Variants in SLC5A11 observed in about 807,000 individuals in gnomAD.
SLC5A11 encodes the protein sodium/myo-inositol cotransporter 2.
SLC5A11 carries 48 observed loss-of-function variants against 69.8 expected under a neutral mutation model. The observed-to-expected ratio is 0.69, with a 90% CI of 0.55 to 0.87. SLC5A11 has a LOEUF of 0.87. SLC5A11 is among the 40% of genes least tolerant of loss of function. The pLI is 0.00. For synonymous variants in SLC5A11, 319 were observed against 342.4 expected (o/e 0.93, Z 0.75); for missense variants, 784 against 866.1 (o/e 0.91, Z 1.19).
intron 3 of SLC5A11, among the ~76,000 whole-genome samples, chr16:24,868,093 C>T (rs1285887019): frequency 1.3e-5 from 2 of 149,660 alleles, no homozygotes; most frequent in East Asian, 3.9e-4. Context: ...GCTGAGATGG[C>T]ACCATTGCAT....
At chr16:24,869,953 T>C in exon 4 of SLC5A11, 1 of 1,614,196 alleles carries the variant, frequency 6.2e-7, no homozygotes, top group Non-Finnish European at 8.5e-7. Context: ...TTCATTGGCC[T>C]GGCAGGGTCA....
At chr16:24,900,941 G>GA in intron 10 of SLC5A11, among the ~76,000 whole-genome samples, 1 of 146,968 alleles carries the variant, frequency 6.8e-6, no homozygotes, top group African/African-American at 2.5e-5. Context: ...AAAAAAAAAG[G>GA]AAAGAATATG....
intron 2 of SLC5A11, chr16:24,862,033 C>G (rs2046602958): frequency 1.3e-5 from 2 of 152,248 alleles, no homozygotes; most frequent in African/African-American, 4.8e-5. Context: ...AGACACCAAA[C>G]CTCTCGGTGC....
chr16:24,850,913 C>T (rs2059273791), intron 1 of SLC5A11, among the ~76,000 whole-genome samples: 2 of 151,642 alleles, frequency 1.3e-5, no homozygotes, highest in South Asian at 2.1e-4. Flanking sequence ...CAGGTTCAAG[C>T]GATTCTTCTG....
chr16:24,857,016 C>T (rs1489515908), intron 1 of SLC5A11, among the ~76,000 whole-genome samples: 1 of 152,080 alleles, frequency 6.6e-6, no homozygotes, highest in Non-Finnish European at 1.5e-5. Context: ...AGACGGGGTC[C>T]ACCACGTTGC....
At chr16:24,882,681 T>C (rs6497762) in intron 7 of SLC5A11, among the ~76,000 whole-genome samples, 68,758 of 152,074 alleles carry the variant, frequency 0.45, 16,518 homozygotes, top group African/African-American at 0.62. Context: ...AGTCTCGCTC[T>C]GTTGCCCAGG....
chr16:24,877,154 T>A, intron 6 of SLC5A11, 104 bp from the exon 8 acceptor site: 1 of 1,543,266 alleles, frequency 6.5e-7, no homozygotes, highest in South Asian at 1.3e-5. Flanking sequence ...TCTGTGTTTG[T>A]CAGCATCTAG....
intron 1 of SLC5A11, among the ~76,000 whole-genome samples, chr16:24,851,761 G>A (rs1051717215): frequency 1.3e-5 from 2 of 152,154 alleles, no homozygotes; most frequent in African/African-American, 4.8e-5. Flanking sequence ...TCGTAGATGG[G>A]AAATTGAGCC....
chr16:24,910,499 T>C, intron 15 of SLC5A11, 22 bp downstream of exon 16: 4 of 1,611,886 alleles, frequency 2.5e-6, no homozygotes, highest in Non-Finnish European at 3.4e-6. Context: ...CTCTCCTCAG[T>C]TACAGCAAGA....
At chr16:24,897,996 C>T in exon 10 of SLC5A11, 2 of 1,614,132 alleles carry the variant, frequency 1.2e-6, no homozygotes, top group South Asian at 2.2e-5. Flanking sequence ...CGGACTCTGG[C>T]TGCCAAGAAC....
chr16:24,858,501 C>T lies in SLC5A11; in HGVS notation c.-24-119C>T. 7 of 758,338 alleles carry T rather than the reference C, an allele frequency of 9.2e-6. No homozygotes were observed. In the South Asian group the frequency reaches 1.7e-4, roughly 19 times the overall value. The allele number at this position is 758,338 out of a possible 1,614,324, so 47.0% of individuals were successfully genotyped here. Reference sequence around the variant, plus strand: ...TCTGTCTTCCCTGAAGATCTGTCTTCCACCACACATCCCTCCACATGGGTC... The same window carrying T: ...TCTGTCTTCCCTGAAGATCTGTCTTTCACCACACATCCCTCCACATGGGTC... On this transcript the variant is annotated intron_variant, in intron 1 of 15. Transcript: ENST00000347898.
intron 8 of SLC5A11, among the ~76,000 whole-genome samples, chr16:24,889,933 C>T (rs1442467403): frequency 6.6e-6 from 1 of 152,024 alleles, no homozygotes; most frequent in Non-Finnish European, 1.5e-5. Context: ...GATTTCTTTG[C>T]AATCCTATGT....
chr16:24,881,518 C>A (rs2048040134), intron 7 of SLC5A11, among the ~76,000 whole-genome samples: 1 of 152,074 alleles, frequency 6.6e-6, no homozygotes, highest in Non-Finnish European at 1.5e-5. Flanking sequence ...GAACTCCTGG[C>A]CTCAAGTGAT....
At chr16:24,881,846 T>C (rs1364783912) in intron 7 of SLC5A11, among the ~76,000 whole-genome samples, 1 of 151,714 alleles carries the variant, frequency 6.6e-6, no homozygotes, top group African/African-American at 2.4e-5. Context: ...GCAACCCTGG[T>C]GGTAAGAGTG....
intron 2 of SLC5A11, chr16:24,861,902 T>C (rs2046593628): frequency 1.3e-5 from 2 of 152,164 alleles, no homozygotes; most frequent in Non-Finnish European, 2.9e-5. Context: ...CCCTCATGAA[T>C]GGGATTACAG....
At position 24,906,585 on chromosome 16, in the gene SLC5A11, G is replaced by A. The variant is rs144609726; in HGVS notation, c.1007-72G>A. ...ACTTCCATATGATAAGCCTGTGTCC[G>A]GCCCCATGTTGCCTGGGCCTGGGGC... On this transcript the variant is annotated intron_variant, in intron 10 of 15. Transcript: ENST00000347898. 1,046 of 881,026 alleles carry A rather than the reference G, an allele frequency of 1.2e-3. 4 individuals carry two copies. In the African/African-American group the frequency reaches 0.013, roughly 11 times the overall value. 54.6% of individuals were successfully genotyped at this position (881,026 alleles called of 1,614,324 possible).
At chr16:24,909,943 C>T (rs28626305) in intron 14 of SLC5A11, among the ~76,000 whole-genome samples, 60,256 of 151,464 alleles carry the variant, frequency 0.4, 12,661 homozygotes, top group Non-Finnish European at 0.44. Context: ...CATGCTCATC[C>T]GTGAACCAAT....
intron 4 of SLC5A11, among the ~76,000 whole-genome samples, chr16:24,870,434 CAAA>C (rs1297137037): frequency 7.9e-4 from 109 of 137,586 alleles, no homozygotes; most frequent in African/African-American, 2.8e-3. Flanking sequence ...ACAAAAAAAA[CAAA>C]AAAAAACACA....
At chr16:24,885,628 C>T (rs577010134) in intron 8 of SLC5A11, among the ~76,000 whole-genome samples, 7 of 124,766 alleles carry the variant, frequency 5.6e-5, no homozygotes, top group East Asian at 2.5e-4. Context: ...GGCCTGGTCT[C>T]GCTTTGAGAC....
Sources: gnomAD v4.1 joint callset for allele counts (sites outside exome capture counted in the v4.1 genomes callset) on GRCh38, gnomAD v4.1.1 for gene constraint, MANE v1.5 for transcripts, NCBI Gene and HGNC (gene_info 2026-07-23, HGNC 2026-07-21) for gene names.